Variants in SEMA5B observed in about 807,000 individuals in gnomAD.
SEMA5B encodes semaphorin-5B.
Under a neutral mutation model 135.0 loss-of-function variants are expected in SEMA5B, and 66 were observed. That is an observed-to-expected ratio of 0.49 (90% CI 0.40 to 0.60). The LOEUF (loss-of-function observed/expected upper bound fraction) is 0.60. Among genes scored for constraint, SEMA5B ranks in the 20% least tolerant of loss-of-function variants. SEMA5B has a pLI of 0.00. For synonymous variants in SEMA5B, 690 were observed against 639.5 expected (o/e 1.08, Z -1.19); for missense variants, 1,501 against 1,566.3 (o/e 0.96, Z 0.70).
chr3:122,966,563 A>ATTTTTTTTTTTT (rs763448433), intron 1 of SEMA5B, among the ~76,000 whole-genome samples: 6 of 115,042 alleles, frequency 5.2e-5, no homozygotes, highest in African/African-American at 2.4e-4. Context: ...TATTATTATT[A>ATTTTTTTTTTTT]TTATTTTTTG....
At chr3:122,976,048 C>G in intron 1 of SEMA5B, 1 of 1,535,160 alleles carries the variant, frequency 6.5e-7, no homozygotes, top group Non-Finnish European at 8.7e-7. Context: ...TGCCCTCTCC[C>G]AAATGCCAGC....
intron 1 of SEMA5B, among the ~76,000 whole-genome samples, chr3:122,971,354 A>T (rs1163890793): frequency 6.6e-6 from 1 of 152,264 alleles, no homozygotes; most frequent in Admixed American, 6.5e-5. Flanking sequence ...AGTGCAAGGA[A>T]TCTTTGCTCT....
chr3:122,971,237 A>T (rs1316933711), intron 1 of SEMA5B, among the ~76,000 whole-genome samples: 1 of 152,246 alleles, frequency 6.6e-6, no homozygotes, highest in African/African-American at 2.4e-5. Context: ...GGCAGGAACC[A>T]TGTCTGTTTT....
chr3:123,010,027 A>C (rs937473524), intron 1 of SEMA5B, among the ~76,000 whole-genome samples: 2 of 152,196 alleles, frequency 1.3e-5, no homozygotes, highest in Non-Finnish European at 2.9e-5. Context: ...GGAGCCCTAA[A>C]AAATATGCAG....
rs115434458 is a variant in SEMA5B, at chr3:122,966,151, A to T, written c.-38-4850T>A. 8.3e-3 allele frequency among the ~76,000 whole-genome samples: 1,254 copies of T among 151,624 alleles called. 22 individuals carry two copies. Among genetic ancestry groups the T allele is most frequent in the African/African-American group, 0.029 (1,190 of 41,270 alleles). On this transcript the variant is annotated intron_variant, in intron 1 of 22. Coordinates refer to ENST00000357599, the MANE Select transcript of SEMA5B (RefSeq NM_001031702.4). ...CCCCACTTCCCATGATGCCCCCCAC[A>T]CTCTTATTTGGCACTTAATCAAACC...
intron 1 of SEMA5B, among the ~76,000 whole-genome samples, chr3:123,015,919 G>T (rs1207226123): frequency 6.6e-6 from 1 of 152,238 alleles, no homozygotes; most frequent in Non-Finnish European, 1.5e-5. Flanking sequence ...ACCATGCGAT[G>T]TCTGGGCCTC....
At chr3:122,923,848 G>C in intron 9 of SEMA5B, 96 bp from the exon 10 acceptor site, 1 of 1,386,642 alleles carries the variant, frequency 7.2e-7, no homozygotes, top group Non-Finnish European at 1.0e-6. Flanking sequence ...AATTCCCAAG[G>C]CTCTGTAAGC....
At chr3:122,970,787 A>G (rs1339731598) in intron 1 of SEMA5B, among the ~76,000 whole-genome samples, 2 of 152,222 alleles carry the variant, frequency 1.3e-5, no homozygotes, top group African/African-American at 4.8e-5. Flanking sequence ...TAGGAAGGAC[A>G]ATTCTGGGAC....
chr3:122,993,483 GTGT>G (rs1941938240), intron 1 of SEMA5B, among the ~76,000 whole-genome samples: 1 of 152,192 alleles, frequency 6.6e-6, no homozygotes, highest in Non-Finnish European at 1.5e-5. Flanking sequence ...GAGAGCAGTG[GTGT>G]AATGCCCTGG....
At chr3:122,973,530 A>G (rs1941203362) in intron 1 of SEMA5B, among the ~76,000 whole-genome samples, 1 of 152,260 alleles carries the variant, frequency 6.6e-6, no homozygotes, top group South Asian at 2.1e-4. Flanking sequence ...CCAGAAGGGA[A>G]TAAAGAACAC....
At chr3:122,957,015 C>T (rs547265786) in intron 2 of SEMA5B, among the ~76,000 whole-genome samples, 5 of 152,264 alleles carry the variant, frequency 3.3e-5, no homozygotes, top group Non-Finnish European at 7.3e-5. Context: ...TTGGCTCTGG[C>T]CTATCCTTGG....
chr3:122,949,172 C>G (rs753877198), intron 2 of SEMA5B, among the ~76,000 whole-genome samples: 1 of 152,146 alleles, frequency 6.6e-6, no homozygotes, highest in Non-Finnish European at 1.5e-5. Context: ...TCCTTTATAT[C>G]TTGGCATGGG....
chr3:123,002,183 G>A (rs753628910), intron 1 of SEMA5B, among the ~76,000 whole-genome samples: 2 of 152,186 alleles, frequency 1.3e-5, no homozygotes, highest in African/African-American at 2.4e-5. Flanking sequence ...AGAGGAGTCT[G>A]GAGGGCATCA....
At chr3:122,986,531 C>T (rs190654546) in intron 1 of SEMA5B, among the ~76,000 whole-genome samples, 1 of 152,214 alleles carries the variant, frequency 6.6e-6, no homozygotes, top group East Asian at 1.9e-4. Context: ...ACTCCTGTTG[C>T]TCCTCATAAG....
At chr3:122,926,749 C>T (rs1576340221) in intron 8 of SEMA5B, 72 bp from the exon 9 acceptor site, 1 of 1,547,928 alleles carries the variant, frequency 6.5e-7, no homozygotes, top group East Asian at 2.3e-5. Flanking sequence ...CGGGAGGACT[C>T]AACTACTTCG....
chr3:122,926,682 G>A lies in SEMA5B; in HGVS notation c.851-5C>T. The A allele has an allele frequency of 6.2e-7, 1 of 1,608,994 alleles. No homozygotes were observed. Among genetic ancestry groups the A allele is most frequent in the Admixed American group, 1.7e-5 (1 of 59,980 alleles). The stretch of plus-strand genomic sequence containing the variant: ...AGGCTGCCACGAAGTTTGGCTCTGG[G>A]TGGGCAGAAGAGGAACAAGGGGCAG... On this transcript the variant is annotated splice_region_variant and splice_polypyrimidine_tract_variant and intron_variant, in intron 8 of 22. Transcript: ENST00000357599.
chr3:122,943,792 C>T (rs540153467), intron 3 of SEMA5B, among the ~76,000 whole-genome samples: 4 of 152,168 alleles, frequency 2.6e-5, no homozygotes, highest in African/African-American at 7.2e-5. Context: ...TACTTATACT[C>T]GCCCTTGACT....
intron 5 of SEMA5B, among the ~76,000 whole-genome samples, chr3:122,934,209 A>G (rs1011648126): frequency 2.7e-5 from 4 of 149,378 alleles, no homozygotes; most frequent in African/African-American, 7.3e-5. Flanking sequence ...GCCCGGCCCA[A>G]AAATTTTGTT....
intron 4 of SEMA5B, among the ~76,000 whole-genome samples, chr3:122,941,310 G>T (rs1175538629): frequency 1.3e-5 from 2 of 152,200 alleles, no homozygotes; most frequent in African/African-American, 2.4e-5. Flanking sequence ...CAGGCTCAAG[G>T]ATGCAGGAAA....
Sources: gnomAD v4.1 joint callset for allele counts (sites outside exome capture counted in the v4.1 genomes callset) on GRCh38, gnomAD v4.1.1 for gene constraint, MANE v1.5 for transcripts, NCBI Gene and HGNC (gene_info 2026-07-23, HGNC 2026-07-21) for gene names.